The following EXOC4 variants were observed in gnomAD, a reference collection of about 807,000 sequenced individuals.
EXOC4 encodes the protein SEC8-like 1.
EXOC4 carries 71 observed loss-of-function variants against 107.2 expected under a neutral mutation model. The observed-to-expected ratio is 0.66, with a 90% CI of 0.55 to 0.81. The LOEUF (loss-of-function observed/expected upper bound fraction) is 0.81, where lower values mean the gene tolerates loss of function less well. Ranked by LOEUF, EXOC4 falls within the 30% of genes least tolerant of loss-of-function variation. EXOC4 has a pLI of 0.00. For missense variants in EXOC4, 1,108 were observed against 1,189.6 expected (o/e 0.93, Z 1.01); for synonymous variants, 456 against 441.2 (o/e 1.03, Z -0.42).
intron 9 of EXOC4, among the ~76,000 whole-genome samples, chr7:133,603,499 A>G (rs562075895): frequency 6.6e-6 from 1 of 152,284 alleles, no homozygotes; most frequent in East Asian, 1.9e-4. Flanking sequence ...CCTAGGTTAT[A>G]TGGTATAGCC....
intron 14 of EXOC4, among the ~76,000 whole-genome samples, chr7:133,978,743 T>C (rs1172963882): frequency 1.3e-5 from 2 of 152,224 alleles, no homozygotes; most frequent in East Asian, 3.9e-4. Context: ...TGGAAGCTGC[T>C]GCAAGCTTCT....
intron 10 of EXOC4, among the ~76,000 whole-genome samples, chr7:133,713,748 C>T (rs896938245): frequency 6.6e-5 from 10 of 152,076 alleles, no homozygotes; most frequent in Non-Finnish European, 4.4e-5. Flanking sequence ...GCTCTTTCCC[C>T]ATCGCTTGGC....
chr7:134,084,319 A>G, the EXOC4 span, among the ~76,000 whole-genome samples: 1 of 152,236 alleles, frequency 6.6e-6, no homozygotes, highest in Non-Finnish European at 1.5e-5. Flanking sequence ...GAAGAGATAT[A>G]GCTCTTGCCA....
At chr7:133,763,009 C>G (rs966335056) in intron 10 of EXOC4, among the ~76,000 whole-genome samples, 14 of 152,050 alleles carry the variant, frequency 9.2e-5, no homozygotes, top group Non-Finnish European at 1.6e-4. Context: ...AATATGCTCC[C>G]TGGCCAAAAG....
intron 10 of EXOC4, among the ~76,000 whole-genome samples, chr7:133,695,114 G>A (rs765425005): frequency 2.0e-5 from 3 of 151,798 alleles, no homozygotes; most frequent in Non-Finnish European, 4.4e-5. Flanking sequence ...GAGCCACTGC[G>A]CCCGGCCCCC....
intron 17 of EXOC4, among the ~76,000 whole-genome samples, chr7:134,049,421 C>T (rs376152339): frequency 1.3e-5 from 2 of 152,232 alleles, no homozygotes; most frequent in East Asian, 3.8e-4. Flanking sequence ...ACCCCATGCA[C>T]TCCAGTGAGG....
intron 12 of EXOC4, among the ~76,000 whole-genome samples, chr7:133,902,085 T>C (rs1245601417): frequency 6.6e-6 from 1 of 152,252 alleles, no homozygotes; most frequent in Non-Finnish European, 1.5e-5. Flanking sequence ...CACTTTCTAA[T>C]TATTCATGAA....
intron 10 of EXOC4, among the ~76,000 whole-genome samples, chr7:133,692,346 G>A (rs1794439606): frequency 6.6e-6 from 1 of 152,138 alleles, no homozygotes; most frequent in Non-Finnish European, 1.5e-5. Context: ...TACCAATCTA[G>A]GAATTACTCA....
chr7:133,975,401 G>GAGACTCAACAT (rs771126728), intron 14 of EXOC4, among the ~76,000 whole-genome samples: 3 of 151,972 alleles, frequency 2.0e-5, no homozygotes, highest in Non-Finnish European at 2.9e-5. Flanking sequence ...GAAACACTTG[G>GAGACTCAACAT]AGACTCAACA....
At chr7:133,620,499 A>G (rs563581165) in intron 9 of EXOC4, among the ~76,000 whole-genome samples, 36 of 152,222 alleles carry the variant, frequency 2.4e-4, no homozygotes, top group Non-Finnish European at 4.7e-4. Context: ...TCCACACAAA[A>G]CTTGTACCTG....
At chr7:133,579,031 G>A (rs1424473523) in intron 9 of EXOC4, among the ~76,000 whole-genome samples, 1 of 152,154 alleles carries the variant, frequency 6.6e-6, no homozygotes, top group East Asian at 1.9e-4. Context: ...ATTGGTTTTT[G>A]TAATGTAGAT....
intron 7 of EXOC4, among the ~76,000 whole-genome samples, chr7:133,400,224 C>T (rs1797059734): frequency 6.6e-6 from 1 of 152,212 alleles, no homozygotes; most frequent in Non-Finnish European, 1.5e-5. Flanking sequence ...ATTTCAGCTA[C>T]TAAAGACCTG....
At chr7:133,946,388 T>C (rs1254490943) in intron 14 of EXOC4, among the ~76,000 whole-genome samples, 1 of 152,222 alleles carries the variant, frequency 6.6e-6, no homozygotes, top group Non-Finnish European at 1.5e-5. Context: ...TGGCCTTATC[T>C]CATTAACATT....
At chr7:133,935,814 A>G (rs2116718750) in intron 13 of EXOC4, among the ~76,000 whole-genome samples, 1 of 152,310 alleles carries the variant, frequency 6.6e-6, no homozygotes, top group South Asian at 2.1e-4. Context: ...CTAATAGTTG[A>G]AGCTGGAAGA....
rs115250568 is a variant in EXOC4 at position 133,887,510 on chromosome 7, G to A, written c.1735-8089G>A. Among the ~76,000 whole-genome samples, 393 of 152,174 alleles carry A rather than the reference G, an allele frequency of 2.6e-3. 6 individuals carry two copies. The highest frequency in any genetic ancestry group is 8.8e-3 in the African/African-American group (367 of 41,522). On this transcript the variant is annotated intron_variant, in intron 11 of 17. Coordinates refer to ENST00000253861, the MANE Select transcript of EXOC4 (RefSeq NM_021807.4). ...ACTTGAGAGCAGTTACACAGTATTC[G>A]CCCAGTGTGAAAGTACCAGTACACA... is the stretch of plus-strand genomic sequence containing the variant.
intron 7 of EXOC4, among the ~76,000 whole-genome samples, chr7:133,400,738 CT>C (rs1175875765): frequency 6.6e-6 from 1 of 152,184 alleles, no homozygotes; most frequent in African/African-American, 2.4e-5. Flanking sequence ...TCCTTTCCTT[CT>C]ATCACCCCTT....
chr7:133,882,411 T>A lies in EXOC4; in HGVS notation c.1735-13188T>A, dbSNP rs566005323. Among the ~76,000 whole-genome samples, 325 of 152,334 alleles carry A rather than the reference T, an allele frequency of 2.1e-3. 1 individual carries two copies. The highest frequency in any genetic ancestry group is 7.2e-3 in the African/African-American group (301 of 41,578). On this transcript the variant is annotated intron_variant, in intron 11 of 17. Transcript: ENST00000253861. ...TCTTAATATAGGATGTACTTAACTT[T>A]ACTCACTCAGTTAAGAAATATTTAT...
chr7:133,476,836 T>C (rs910764748), intron 8 of EXOC4, among the ~76,000 whole-genome samples: 2 of 152,172 alleles, frequency 1.3e-5, no homozygotes, highest in South Asian at 4.1e-4. Flanking sequence ...CTGTACAATA[T>C]CATAAAGGAC....
At chr7:133,869,053 C>G (rs530004433) in intron 11 of EXOC4, among the ~76,000 whole-genome samples, 1 of 150,346 alleles carries the variant, frequency 6.7e-6, no homozygotes, top group African/African-American at 2.5e-5. Flanking sequence ...CACTGCACGT[C>G]CAGCCTTTCT....
Sources: gnomAD v4.1 joint callset for allele counts (sites outside exome capture counted in the v4.1 genomes callset) on GRCh38, gnomAD v4.1.1 for gene constraint, MANE v1.5 for transcripts, NCBI Gene and HGNC (gene_info 2026-07-23, HGNC 2026-07-21) for gene names.